The following SEMA3E variants were observed in gnomAD, a reference collection of about 807,000 sequenced individuals.
SEMA3E encodes semaphorin 3E.
Under a neutral mutation model 93.6 loss-of-function variants are expected in SEMA3E, and 49 were observed. The ratio of observed to expected loss-of-function variants is 0.52; its 90% CI spans 0.42 to 0.66. The LOEUF is 0.66. Ranked by LOEUF, SEMA3E falls within the 30% of genes least tolerant of loss-of-function variation. The pLI, the probability that SEMA3E is intolerant of heterozygous loss-of-function variation, is 0.00. For synonymous variants in SEMA3E, 363 were observed against 330.7 expected, an observed-to-expected ratio of 1.10 and a Z score of -1.06; for missense variants, 906 against 964.8, an observed-to-expected ratio of 0.94 and a Z score of 0.81.
intron 1 of SEMA3E, among the ~76,000 whole-genome samples, chr7:83,569,740 T>A (rs75806582): frequency 0.099 from 15,025 of 152,130 alleles, 979 homozygotes; most frequent in East Asian, 0.2. Flanking sequence ...TAAAACAAGT[T>A]CTCCTTGACT....
chr7:83,367,770 T>C lies in SEMA3E; in HGVS notation c.2144A>G (p.Gln715Arg). 4 of 1,614,146 alleles carry C rather than the reference T, an allele frequency of 2.5e-6. No homozygotes were observed. Among genetic ancestry groups the C allele is most frequent in the Non-Finnish European group, 3.4e-6 (4 of 1,180,026 alleles). ...CTGGAAGTTGCTATAACCGATCAGC[T>C]GCAAGAATTCCTTGTACCATGGTTT... ...GAKPWYKEFL[Q>R]LIGYSNFQRV... is the part of the protein sequence containing the mutation. Residue 715 changes from glutamine to arginine, a missense_variant, in exon 17 of 17, where the codon CAG becomes CGG. Transcript: ENST00000643230.
intron 1 of SEMA3E, among the ~76,000 whole-genome samples, chr7:83,559,980 A>G (rs573263828): frequency 6.6e-6 from 1 of 152,196 alleles, no homozygotes; most frequent in South Asian, 2.1e-4. Flanking sequence ...TACACACTGT[A>G]TGATTCCAAC....
chr7:83,464,170 G>A (rs974885829), intron 4 of SEMA3E, among the ~76,000 whole-genome samples: 2 of 151,926 alleles, frequency 1.3e-5, no homozygotes, highest in African/African-American at 4.8e-5. Context: ...AAGAAAAGTA[G>A]AATGGACTAA....
intron 1 of SEMA3E, among the ~76,000 whole-genome samples, chr7:83,518,887 A>G (rs1013915995): frequency 1.3e-5 from 2 of 152,072 alleles, no homozygotes; most frequent in African/African-American, 4.8e-5. Context: ...TAGCATAATG[A>G]AACTCCTTAC....
At chr7:83,614,047 C>G (rs555163848) in intron 1 of SEMA3E, among the ~76,000 whole-genome samples, 2 of 152,182 alleles carry the variant, frequency 1.3e-5, no homozygotes, top group East Asian at 3.9e-4. Flanking sequence ...ATTATTTTCT[C>G]TACCCTTCAG....
chr7:83,477,926 C>CTT lies in SEMA3E; in HGVS notation c.277-8626_277-8625dup, dbSNP rs11310519. Among the ~76,000 whole-genome samples, 754 of 147,616 alleles carry CTT rather than the reference C, an allele frequency of 5.1e-3. 12 individuals carry two copies. The highest frequency in any genetic ancestry group is 0.018 in the African/African-American group (723 of 40,278). On this transcript the variant is annotated intron_variant, in intron 2 of 16. Transcript: ENST00000643230. The stretch of plus-strand genomic sequence containing the variant: ...TACAAATTAAGTAATGTAATTTTGG[C>CTT]TTTTTTTTTTTGAGACGGAGTTTCA...
chr7:83,582,078 G>A (rs1470215501), intron 1 of SEMA3E, among the ~76,000 whole-genome samples: 1 of 151,790 alleles, frequency 6.6e-6, no homozygotes, highest in Non-Finnish European at 1.5e-5. Context: ...AAGTCACGGG[G>A]AGAATATTGC....
chr7:83,404,719 T>C (rs1033975190), intron 9 of SEMA3E, among the ~76,000 whole-genome samples: 4 of 151,930 alleles, frequency 2.6e-5, no homozygotes, highest in Non-Finnish European at 5.9e-5. Flanking sequence ...ATTTAAAAGA[T>C]AGAGAGCAAA....
chr7:83,614,297 T>C (rs1003126932), intron 1 of SEMA3E, among the ~76,000 whole-genome samples: 6 of 152,114 alleles, frequency 3.9e-5, no homozygotes, highest in African/African-American at 1.4e-4. Flanking sequence ...TTCAGCACTA[T>C]GGACAGCCAG....
intron 4 of SEMA3E, among the ~76,000 whole-genome samples, chr7:83,458,261 C>A (rs1216441364): frequency 2.0e-5 from 3 of 151,188 alleles, no homozygotes; most frequent in African/African-American, 7.3e-5. Context: ...GGAAGTACAC[C>A]AAGTTCCAGT....
rs189164055 is a variant in SEMA3E at position 83,636,925 on chromosome 7, A to T, written c.115+11503T>A. 2.8e-3 allele frequency among the ~76,000 whole-genome samples: 429 copies of T among 152,110 alleles called. 4 individuals carry two copies. The highest frequency in any genetic ancestry group is 9.7e-3 in the African/African-American group (404 of 41,460). ...TCATGCTTTCATAGCATCCCTTGAT[A>T]TATAAAAAAAGCACCCTACTTTATT... On this transcript the variant is annotated intron_variant, in intron 1 of 16. Coordinates refer to ENST00000643230, the MANE Select transcript of SEMA3E (RefSeq NM_012431.3).
chr7:83,499,952 C>T (rs763869713), intron 1 of SEMA3E, among the ~76,000 whole-genome samples: 5 of 152,020 alleles, frequency 3.3e-5, no homozygotes, highest in South Asian at 2.1e-4. Flanking sequence ...ATTCAACTGG[C>T]GAATTATGTG....
At chr7:83,606,513 CAA>C (rs1236928991) in intron 1 of SEMA3E, among the ~76,000 whole-genome samples, 2 of 144,630 alleles carry the variant, frequency 1.4e-5, no homozygotes, top group Admixed American at 1.4e-4. Context: ...ATCGCAAGAA[CAA>C]AAAACCAAAC....
intron 15 of SEMA3E, 45 bp downstream of exon 15, chr7:83,386,938 T>C (rs921953906): frequency 7.2e-6 from 11 of 1,534,394 alleles, no homozygotes; most frequent in Non-Finnish European, 9.0e-6. Flanking sequence ...TTATGTTCAA[T>C]GTATTCTCTG....
At chr7:83,531,893 G>C (rs1791308887) in intron 1 of SEMA3E, among the ~76,000 whole-genome samples, 2 of 151,446 alleles carry the variant, frequency 1.3e-5, no homozygotes, top group South Asian at 4.1e-4. Context: ...TAAGACATAA[G>C]ATTGGCACCT....
chr7:83,422,865 A>G (rs1788692475), intron 4 of SEMA3E, among the ~76,000 whole-genome samples: 1 of 152,250 alleles, frequency 6.6e-6, no homozygotes, highest in Admixed American at 6.5e-5. Flanking sequence ...AACTGAAAGA[A>G]TTTTAAGATC....
chr7:83,557,341 G>T (rs1791918677), intron 1 of SEMA3E, among the ~76,000 whole-genome samples: 1 of 151,146 alleles, frequency 6.6e-6, no homozygotes, highest in Non-Finnish European at 1.5e-5. Context: ...TTACTATTAT[G>T]CTTATTAAAA....
intron 1 of SEMA3E, among the ~76,000 whole-genome samples, chr7:83,578,598 C>G (rs761944931): frequency 3.5e-4 from 53 of 152,126 alleles, no homozygotes; most frequent in South Asian, 8.3e-4. Flanking sequence ...TTAAAAGGCA[C>G]TGACCAACAC....
At chr7:83,638,878 G>A (rs532380394) in intron 1 of SEMA3E, among the ~76,000 whole-genome samples, 2 of 151,906 alleles carry the variant, frequency 1.3e-5, no homozygotes, top group Admixed American at 6.6e-5. Flanking sequence ...TTGGGAGGCC[G>A]AGGCGGGCGG....
Sources: gnomAD v4.1 joint callset for allele counts (sites outside exome capture counted in the v4.1 genomes callset) on GRCh38, gnomAD v4.1.1 for gene constraint, MANE v1.5 for transcripts, NCBI Gene and HGNC (gene_info 2026-07-23, HGNC 2026-07-21) for gene names.